The following DLGAP1 variants were observed in gnomAD, a reference collection of about 807,000 sequenced individuals.
The protein encoded by DLGAP1 is DLG associated protein 1.
DLGAP1 carries 11 observed loss-of-function variants against 90.8 expected under a neutral mutation model. The ratio of observed to expected loss-of-function variants is 0.12; its 90% CI spans 0.08 to 0.20. The LOEUF (loss-of-function observed/expected upper bound fraction) is 0.20, where lower values mean the gene tolerates loss of function less well. Among genes scored for constraint, DLGAP1 ranks in the 10% least tolerant of loss-of-function variants. The probability of loss-of-function intolerance (pLI) is 1.00; values close to 1 mark genes in which losing one functional copy is unlikely to be tolerated. For missense variants in DLGAP1, 1,050 were observed against 1,333.8 expected, an observed-to-expected ratio of 0.79 and a Z score of 3.31; for synonymous variants, 558 against 540.7, an observed-to-expected ratio of 1.03 and a Z score of -0.44.
At chr18:3,678,192 C>T (rs550729772) in intron 7 of DLGAP1, among the ~76,000 whole-genome samples, 1 of 152,202 alleles carries the variant, frequency 6.6e-6, no homozygotes, top group South Asian at 2.1e-4. Flanking sequence ...GAACTCCTGA[C>T]CTCCAGTGAT....
At chr18:4,288,866 T>G (rs1204926200) in intron 1 of DLGAP1, among the ~76,000 whole-genome samples, 1 of 143,190 alleles carries the variant, frequency 7.0e-6, no homozygotes, top group Non-Finnish European at 1.5e-5. Context: ...ATTTTTAACT[T>G]TAATTTCTTT....
At chr18:4,121,174 CT>C (rs1471474437) in intron 2 of DLGAP1, among the ~76,000 whole-genome samples, 1 of 152,052 alleles carries the variant, frequency 6.6e-6, no homozygotes, top group African/African-American at 2.4e-5. Flanking sequence ...GTTTTAAGAC[CT>C]GAGAGTGAGA....
chr18:3,926,074 A>G (rs1285750987), intron 3 of DLGAP1, among the ~76,000 whole-genome samples: 1 of 152,202 alleles, frequency 6.6e-6, no homozygotes, highest in African/African-American at 2.4e-5. Flanking sequence ...CCTATGTGTT[A>G]AAGGAGGCTA....
intron 7 of DLGAP1, among the ~76,000 whole-genome samples, chr18:3,664,196 ACACACACACACACACACACACC>A (rs1358642603): frequency 7.4e-5 from 10 of 135,242 alleles, no homozygotes; most frequent in African/African-American, 2.3e-4. Flanking sequence ...ACACACACAC[ACACACACACACACACACACACC>A]CACACACACA....
chr18:4,171,306 C>T (rs1211166436), intron 1 of DLGAP1, among the ~76,000 whole-genome samples: 1 of 152,026 alleles, frequency 6.6e-6, no homozygotes, highest in East Asian at 1.9e-4. Flanking sequence ...GAGGCCACGG[C>T]AGGCAGATCA....
At chr18:3,707,242 G>C (rs2061462883) in intron 7 of DLGAP1, among the ~76,000 whole-genome samples, 1 of 152,146 alleles carries the variant, frequency 6.6e-6, no homozygotes, top group Admixed American at 6.5e-5. Context: ...GAAAGACGGT[G>C]GTGTGAAGAT....
intron 2 of DLGAP1, among the ~76,000 whole-genome samples, chr18:4,062,111 G>C (rs2075307038): frequency 6.6e-6 from 1 of 152,096 alleles, no homozygotes; most frequent in Non-Finnish European, 1.5e-5. Flanking sequence ...TTTTCAGAAA[G>C]TGTATTCTTC....
intron 1 of DLGAP1, among the ~76,000 whole-genome samples, chr18:4,275,824 G>A (rs114393983): frequency 6.6e-6 from 1 of 152,070 alleles, no homozygotes; most frequent in African/African-American, 2.4e-5. Context: ...ATAAAGTTGA[G>A]ATACATATTT....
At chr18:4,155,576 T>C (rs1411651619) in intron 1 of DLGAP1, among the ~76,000 whole-genome samples, 2 of 152,200 alleles carry the variant, frequency 1.3e-5, no homozygotes, top group Non-Finnish European at 2.9e-5. Context: ...AAGTAGTGAA[T>C]AAGGAATTCA....
chr18:3,595,674 G>A (rs1304824726), intron 7 of DLGAP1, among the ~76,000 whole-genome samples: 3 of 152,190 alleles, frequency 2.0e-5, no homozygotes, highest in African/African-American at 7.2e-5. Flanking sequence ...GAGAACATCA[G>A]GCTTACTAAT....
At chr18:3,535,269 C>T (rs536407291) in intron 9 of DLGAP1, among the ~76,000 whole-genome samples, 6 of 152,224 alleles carry the variant, frequency 3.9e-5, no homozygotes, top group African/African-American at 1.4e-4. Context: ...CTATTAAAGC[C>T]AGTAGAATGT....
rs557492399 is a variant in DLGAP1, at chr18:4,265,502, CTTT to C, written c.-266-114218_-266-114216del. Among the ~76,000 whole-genome samples the C allele has an allele frequency of 1.4e-3, 207 of 143,332 alleles. 3 individuals are homozygous for C. Among genetic ancestry groups the C allele is most frequent in the African/African-American group, 4.9e-3 (195 of 39,596 alleles). 94.0% of individuals were successfully genotyped at this position (143,332 alleles called of 152,430 possible). A position where few individuals can be genotyped will look rare whatever the true frequency, so the allele number is the denominator to read the frequency against. On this transcript the variant is annotated intron_variant, in intron 1 of 12. Transcript: ENST00000315677. ...CCTTCCTTCCTTTCCTTTCCTTTTT[CTTT>C]GTTTCTTCTTTTTCTTTCTTTCCTT...
intron 1 of DLGAP1, among the ~76,000 whole-genome samples, chr18:4,241,127 T>C (rs2078525236): frequency 6.6e-6 from 1 of 152,242 alleles, no homozygotes. Flanking sequence ...GTCACATCTT[T>C]TATCACTGCA....
chr18:4,150,208 G>T (rs16946111), intron 2 of DLGAP1, among the ~76,000 whole-genome samples: 1 of 151,996 alleles, frequency 6.6e-6, no homozygotes, highest in African/African-American at 2.4e-5. Flanking sequence ...AGCAAGTAAC[G>T]CAGACAAAGA....
chr18:4,047,384 T>A lies in DLGAP1; in HGVS notation c.-158-42183A>T, dbSNP rs2075069859. ...ATTACTTGGGTAAATGTAATGAGAC[T>A]TAGTTATAACCAAAAATTGTATTGC... On this transcript the variant is annotated intron_variant, in intron 2 of 12. Transcript: ENST00000315677. Among the ~76,000 whole-genome samples the A allele has an allele frequency of 2.0e-5, 3 of 152,258 alleles. No individual in the cohort carries two copies. The South Asian group carries it at 6.2e-4, about 32-fold the overall frequency.
chr18:4,212,717 T>C (rs1446202301), intron 1 of DLGAP1, among the ~76,000 whole-genome samples: 1 of 151,924 alleles, frequency 6.6e-6, no homozygotes, highest in African/African-American at 2.4e-5. Flanking sequence ...CTTTTCATAA[T>C]ATCCCTCATA....
intron 7 of DLGAP1, among the ~76,000 whole-genome samples, chr18:3,602,041 T>C (rs2057067051): frequency 6.6e-6 from 1 of 151,622 alleles, no homozygotes; most frequent in Admixed American, 6.6e-5. Context: ...ATAAAACATA[T>C]GATTTACCTT....
chr18:4,448,910 C>G (rs953550307), intron 1 of DLGAP1, among the ~76,000 whole-genome samples: 1 of 152,160 alleles, frequency 6.6e-6, no homozygotes, highest in Non-Finnish European at 1.5e-5. Flanking sequence ...TTCTCTGCCT[C>G]CCACAACACT....
intron 2 of DLGAP1, chr18:4,013,747 G>A (rs1465645678): frequency 6.6e-6 from 1 of 152,216 alleles, no homozygotes; most frequent in Middle Eastern, 3.4e-3. Flanking sequence ...CTTAAAAGTT[G>A]TCCATTTGTG....
Sources: gnomAD v4.1 joint callset for allele counts (sites outside exome capture counted in the v4.1 genomes callset) on GRCh38, gnomAD v4.1.1 for gene constraint, MANE v1.5 for transcripts, NCBI Gene and HGNC (gene_info 2026-07-23, HGNC 2026-07-21) for gene names.